SYCP1: variants seen among roughly 807,000 people sequenced by gnomAD.
SYCP1 encodes synaptonemal complex protein 1, also known as cancer/testis antigen 8.
In SYCP1, 64 loss-of-function variants were observed where a neutral mutation model predicts 153.1. The observed-to-expected ratio is 0.42, with a 90% CI of 0.34 to 0.51. The LOEUF is 0.51. Ranked by LOEUF, SYCP1 falls within the 20% of genes least tolerant of loss-of-function variation. The pLI is 0.06. For synonymous variants in SYCP1, 384 were observed against 341.8 expected, an observed-to-expected ratio of 1.12 and a Z score of -1.36; for missense variants, 997 against 1,049.0, an observed-to-expected ratio of 0.95 and a Z score of 0.68.
chr1:114,949,545 G>A (rs1570840204), intron 27 of SYCP1, among the ~76,000 whole-genome samples: 2 of 152,312 alleles, frequency 1.3e-5, no homozygotes. Context: ...ACTTGGGTCA[G>A]CTTATTAAGG....
intron 5 of SYCP1, 94 bp downstream of exon 5, chr1:114,857,591 T>TACATATAGGTAATAAGTTA: frequency 1.1e-6 from 1 of 949,408 alleles, no homozygotes; most frequent in Non-Finnish European, 1.5e-6. Context: ...AAAAGGATTA[T>TACATATAGGTAATAAGTTA]TATTTGATTA....
intron 12 of SYCP1, among the ~76,000 whole-genome samples, 198 bp downstream of exon 12, chr1:114,878,400 T>A (rs1299312886): frequency 6.6e-6 from 1 of 152,148 alleles, no homozygotes; most frequent in African/African-American, 2.4e-5. Context: ...TTTTCCTTTT[T>A]CCATGCTCTT....
intron 9 of SYCP1, among the ~76,000 whole-genome samples, chr1:114,875,748 G>T (rs760840207): frequency 5.3e-5 from 8 of 152,172 alleles, no homozygotes; most frequent in Non-Finnish European, 1.0e-4. Context: ...TGGAGAAGAC[G>T]TAAATAAATA....
intron 27 of SYCP1, among the ~76,000 whole-genome samples, chr1:114,976,135 T>C (rs954645513): frequency 6.6e-6 from 1 of 151,932 alleles, no homozygotes; most frequent in South Asian, 2.1e-4. Context: ...TTTTAATCCT[T>C]GGTGCACAAG....
rs1399640014 is a variant in SYCP1 at position 114,946,270 on chromosome 1, T to C, written c.2155-19T>C. ...ATTCAGTTTTAATATATCTAAAATG[T>C]CTTCTTTGTTTAATATAGCACCAAT... is the stretch of plus-strand genomic sequence containing the variant. On this transcript the variant is annotated intron_variant, in intron 25 of 31. Transcript: ENST00000369522. 7.1e-7 allele frequency: 1 copy of C among 1,410,050 alleles called. No individual in the cohort carries two copies. Among genetic ancestry groups the C allele is most frequent in the Admixed American group, 2.3e-5 (1 of 43,770 alleles). 87.3% of individuals were successfully genotyped at this position (1,410,050 alleles called of 1,614,324 possible).
chr1:114,903,516 T>G (rs1302393367), intron 16 of SYCP1, among the ~76,000 whole-genome samples: 2 of 152,064 alleles, frequency 1.3e-5, no homozygotes, highest in African/African-American at 4.8e-5. Context: ...GGGAGTATGG[T>G]GAGTACATGA....
chr1:114,968,602 C>G (rs1157354050), intron 27 of SYCP1, among the ~76,000 whole-genome samples: 1 of 152,150 alleles, frequency 6.6e-6, no homozygotes, highest in African/African-American at 2.4e-5. Context: ...TTCTTAGCTT[C>G]TTTGCATTGG....
chr1:114,981,755 T>C (rs1250564067), intron 29 of SYCP1, among the ~76,000 whole-genome samples: 2 of 151,978 alleles, frequency 1.3e-5, no homozygotes, highest in Non-Finnish European at 2.9e-5. Context: ...GGATTATAGG[T>C]GTAAGCCACT....
intron 3 of SYCP1, 85 bp from the exon 4 acceptor site, chr1:114,857,136 CAAAAAAAAAAA>C (rs71582509): frequency 3.3e-5 from 8 of 245,188 alleles, no homozygotes; most frequent in South Asian, 3.1e-4. Context: ...CTCTCTCTCT[CAAAAAAAAAAA>C]AAAAAAAAAA....
rs568731890 is a variant in SYCP1 at position 114,888,893 on chromosome 1, C to G, written c.1258+1200C>G. Among the ~76,000 whole-genome samples, 11 of 150,970 alleles carry G rather than the reference C, an allele frequency of 7.3e-5. No homozygotes were observed. In the East Asian group the frequency reaches 1.2e-3, roughly 16 times the overall value. ...CAACAGGTCCTGGTGTGTGAGGTTC[C>G]CCTCCCTGTGTCCATGTGTTCTCAT... On this transcript the variant is annotated intron_variant, in intron 15 of 31. Coordinates refer to ENST00000369522, the MANE Select transcript of SYCP1 (RefSeq NM_003176.4).
chr1:114,952,203 C>T (rs1331496533), intron 27 of SYCP1, among the ~76,000 whole-genome samples: 1 of 152,144 alleles, frequency 6.6e-6, no homozygotes, highest in Non-Finnish European at 1.5e-5. Context: ...AATTGTATGG[C>T]AGTTGCATAT....
At chr1:114,879,435 C>T (rs770787362) in intron 12 of SYCP1, among the ~76,000 whole-genome samples, 5 of 152,132 alleles carry the variant, frequency 3.3e-5, no homozygotes, top group African/African-American at 4.8e-5. Context: ...CTCTTTCAAT[C>T]CCACCCCATG....
At chr1:114,907,891 A>G (rs1034436300) in intron 16 of SYCP1, among the ~76,000 whole-genome samples, 1 of 152,118 alleles carries the variant, frequency 6.6e-6, no homozygotes, top group East Asian at 1.9e-4. Context: ...TGTCATATAT[A>G]TTACACCTAC....
intron 23 of SYCP1, among the ~76,000 whole-genome samples, chr1:114,942,828 T>C (rs900538615): frequency 6.6e-6 from 1 of 151,994 alleles, no homozygotes; most frequent in Non-Finnish European, 1.5e-5. Flanking sequence ...GATACATTCA[T>C]ATATACTAAA....
At chr1:114,966,269 T>C (rs1672120257) in intron 27 of SYCP1, among the ~76,000 whole-genome samples, 2 of 152,176 alleles carry the variant, frequency 1.3e-5, no homozygotes. Flanking sequence ...AGTCTATCTA[T>C]TTTGTTAATC....
intron 27 of SYCP1, among the ~76,000 whole-genome samples, chr1:114,971,106 C>T (rs1236277347): frequency 2.0e-5 from 3 of 152,114 alleles, no homozygotes; most frequent in Non-Finnish European, 2.9e-5. Context: ...ACAAACTTGG[C>T]CTAACATCAC....
intron 12 of SYCP1, among the ~76,000 whole-genome samples, chr1:114,881,051 G>GTA (rs150631241): frequency 0.15 from 5,771 of 38,818 alleles, 197 homozygotes; most frequent in East Asian, 0.32. Context: ...TCCAATTTGT[G>GTA]TATATACACA....
intron 16 of SYCP1, among the ~76,000 whole-genome samples, chr1:114,908,088 T>G (rs1036359000): frequency 6.6e-6 from 1 of 152,186 alleles, no homozygotes; most frequent in African/African-American, 2.4e-5. Flanking sequence ...AAGAACTTCC[T>G]TTAGTATTTC....
chr1:114,894,047 A>T (rs1341410147), intron 15 of SYCP1, among the ~76,000 whole-genome samples: 1 of 150,282 alleles, frequency 6.7e-6, no homozygotes, highest in African/African-American at 2.5e-5. Flanking sequence ...GTTCTTTTAT[A>T]TATATTTTTT....
Sources: allele counts gnomAD v4.1 joint callset (sites outside exome capture counted in the v4.1 genomes callset), GRCh38; gene constraint gnomAD v4.1.1; transcripts MANE v1.5; gene names NCBI Gene and HGNC (gene_info 2026-07-23, HGNC 2026-07-21).